The following ME3 variants were observed in gnomAD, a reference collection of about 807,000 sequenced individuals.
The protein encoded by ME3 is NADP-dependent malic enzyme, mitochondrial.
A neutral mutation model predicts 68.9 loss-of-function variants in ME3; 48 were observed. The ratio of observed to expected loss-of-function variants is 0.70; its 90% CI spans 0.55 to 0.89. ME3 has a LOEUF of 0.89. ME3 is among the 40% of genes least tolerant of loss of function. The probability of loss-of-function intolerance (pLI) is 0.00; values close to 1 mark genes in which losing one functional copy is unlikely to be tolerated. For missense variants in ME3, 675 were observed against 797.4 expected, an observed-to-expected ratio of 0.85 and a Z score of 1.85; for synonymous variants, 320 against 318.8, an observed-to-expected ratio of 1.00 and a Z score of -0.04.
chr11:86,494,525 C>G (rs1952193508), intron 6 of ME3, among the ~76,000 whole-genome samples: 1 of 152,118 alleles, frequency 6.6e-6, no homozygotes, highest in Non-Finnish European at 1.5e-5. Flanking sequence ...CCCCGGGGCA[C>G]ATAGGAGGGC....
intron 7 of ME3, among the ~76,000 whole-genome samples, chr11:86,475,868 TATATATAG>T (rs1449817228): frequency 1.2e-4 from 13 of 109,666 alleles, no homozygotes; most frequent in Admixed American, 9.0e-4. Context: ...TATATATATA[TATATATAG>T]AGAGAGAGAG....
At chr11:86,446,409 C>T (rs780818020) in exon 13 of ME3, 5 of 1,614,200 alleles carry the variant, frequency 3.1e-6, no homozygotes, top group East Asian at 2.2e-5. Flanking sequence ...GCATTGTTTC[C>T]CTGCCCAGGA....
chr11:86,639,641 C>G (rs926749127), intron 2 of ME3, among the ~76,000 whole-genome samples: 4 of 152,178 alleles, frequency 2.6e-5, no homozygotes, highest in African/African-American at 9.7e-5. Context: ...GAAAATCACT[C>G]ATAAACTCAG....
chr11:86,471,860 C>T (rs1950799381), intron 7 of ME3, among the ~76,000 whole-genome samples: 1 of 152,180 alleles, frequency 6.6e-6, no homozygotes, highest in Admixed American at 6.5e-5. Context: ...AGGGACTGTA[C>T]TACTTGCTAA....
rs376801895 is a variant in ME3 at position 86,579,899 on chromosome 11, G to C, written c.184-20076C>G. The stretch of plus-strand genomic sequence containing the variant: ...TGAATGGCATTCCCATTTTTTATTA[G>C]ACTTATATTAAAAGAAAGTGAAAAG... On this transcript the variant is annotated intron_variant, in intron 2 of 14. Transcript: ENST00000543262. Among the ~76,000 whole-genome samples the C allele has an allele frequency of 4.7e-4, 71 of 152,216 alleles. No individual in the cohort carries two copies. In the South Asian group the frequency reaches 0.015, roughly 31 times the overall value.
At chr11:86,533,330 G>A (rs1439055946) in intron 4 of ME3, among the ~76,000 whole-genome samples, 1 of 152,006 alleles carries the variant, frequency 6.6e-6, no homozygotes, top group Non-Finnish European at 1.5e-5. Flanking sequence ...TGATACTACA[G>A]AAATACAAAA....
intron 2 of ME3, among the ~76,000 whole-genome samples, chr11:86,576,431 C>T (rs1478565018): frequency 2.0e-5 from 3 of 152,174 alleles, no homozygotes; most frequent in Non-Finnish European, 2.9e-5. Context: ...CCCAGCCTCT[C>T]CTGTCCATTC....
chr11:86,535,451 G>A (rs1426047307), intron 4 of ME3, among the ~76,000 whole-genome samples: 3 of 152,164 alleles, frequency 2.0e-5, no homozygotes, highest in African/African-American at 7.2e-5. Flanking sequence ...CAAGGATTCT[G>A]GAAGTGTAGG....
chr11:86,447,867 AAAAAAAAAGAC>A (rs1211816356), intron 11 of ME3, among the ~76,000 whole-genome samples: 3 of 145,654 alleles, frequency 2.1e-5, no homozygotes, highest in Non-Finnish European at 4.7e-5. Flanking sequence ...AAAAAAAAAA[AAAAAAAAAGAC>A]AGAGAGAAAG....
intron 2 of ME3, among the ~76,000 whole-genome samples, chr11:86,654,623 A>C (rs1198273810): frequency 1.3e-5 from 2 of 152,234 alleles, no homozygotes; most frequent in African/African-American, 4.8e-5. Context: ...GTCTATGACA[A>C]ACCCACAGCC....
intron 2 of ME3, among the ~76,000 whole-genome samples, chr11:86,604,530 C>T (rs1324804829): frequency 6.6e-6 from 1 of 152,052 alleles, no homozygotes; most frequent in Non-Finnish European, 1.5e-5. Context: ...TGAGAAACAA[C>T]TGAAAACTGG....
intron 2 of ME3, among the ~76,000 whole-genome samples, chr11:86,567,893 T>C (rs1019129182): frequency 6.6e-6 from 1 of 152,174 alleles, no homozygotes; most frequent in South Asian, 2.1e-4. Flanking sequence ...AAATAAACTT[T>C]GCTAATCGGC....
At position 86,511,462 on chromosome 11, in the gene ME3, C is replaced by A. The variant is rs1170061231; in HGVS notation, c.468-2595G>T. ...CAAAGATTATGACAGTGAGAGAAAT[C>A]TAGCATGGCTGACTTCATTTTGCTT... On this transcript the variant is annotated intron_variant, in intron 4 of 14. Coordinates refer to ENST00000543262, the Ensembl canonical transcript of ME3. 5.3e-5 allele frequency among the ~76,000 whole-genome samples: 8 copies of A among 152,198 alleles called. 1 individual carries two copies. The highest frequency in any genetic ancestry group is 4.6e-4 in the Admixed American group (7 of 15,272).
chr11:86,653,338 G>A (rs1050342452), intron 2 of ME3, among the ~76,000 whole-genome samples: 2 of 152,110 alleles, frequency 1.3e-5, no homozygotes, highest in Non-Finnish European at 2.9e-5. Flanking sequence ...TGACCACATA[G>A]TTGGAAGTAA....
rs1959030352 is a variant in ME3, at chr11:86,591,110, G to A, written c.184-31287C>T. Among the ~76,000 whole-genome samples the A allele has an allele frequency of 3.3e-5, 5 of 152,160 alleles. No homozygotes were observed. In the South Asian group the frequency reaches 1.0e-3, roughly 32 times the overall value. On this transcript the variant is annotated intron_variant, in intron 2 of 14. Transcript: ENST00000543262. ...CATTTATGTTCCTAAGCACTGCTTT[G>A]GCATTTATACTGGAATCCTAAGGGT...
intron 4 of ME3, among the ~76,000 whole-genome samples, chr11:86,510,483 C>G (rs1482208147): frequency 2.6e-5 from 4 of 152,160 alleles, no homozygotes; most frequent in Non-Finnish European, 5.9e-5. Flanking sequence ...TACTCTTATT[C>G]TTTCTATTTG....
intron 2 of ME3, among the ~76,000 whole-genome samples, chr11:86,608,513 C>T (rs1425216914): frequency 1.3e-5 from 2 of 152,102 alleles, no homozygotes; most frequent in Non-Finnish European, 2.9e-5. Context: ...AATTTAAATG[C>T]CGTTTTGCTC....
At chr11:86,662,631 G>A (rs1946355554) in intron 2 of ME3, among the ~76,000 whole-genome samples, 1 of 151,924 alleles carries the variant, frequency 6.6e-6, no homozygotes, top group Non-Finnish European at 1.5e-5. Flanking sequence ...ATTTAAAACA[G>A]GAATAATATA....
chr11:86,618,681 G>C (rs1347415648), intron 2 of ME3, among the ~76,000 whole-genome samples: 1 of 151,382 alleles, frequency 6.6e-6, no homozygotes, highest in Non-Finnish European at 1.5e-5. Context: ...GTTTGGTGCT[G>C]TCCTCATGAT....
Sources: allele counts gnomAD v4.1 joint callset (sites outside exome capture counted in the v4.1 genomes callset), GRCh38; gene constraint gnomAD v4.1.1; transcripts MANE v1.5; gene names NCBI Gene and HGNC (gene_info 2026-07-23, HGNC 2026-07-21).